NUBP1: variants seen among roughly 807,000 people sequenced by gnomAD.
NUBP1 encodes cytosolic Fe-S cluster assembly factor NUBP1.
NUBP1 carries 46 observed loss-of-function variants against 41.8 expected under a neutral mutation model. That is an observed-to-expected ratio of 1.10 (90% CI 0.87 to 1.41). The LOEUF is 1.41. Ranked by LOEUF, NUBP1 falls within the 40% of genes most tolerant of loss-of-function variation. The probability of loss-of-function intolerance (pLI) is 0.00; values close to 1 mark genes in which losing one functional copy is unlikely to be tolerated. For synonymous variants in NUBP1, 189 were observed against 154.6 expected, an observed-to-expected ratio of 1.22 and a Z score of -1.65; for missense variants, 494 against 414.0, an observed-to-expected ratio of 1.19 and a Z score of -1.68.
chr16:10,761,028 AGT>A, intron 7 of NUBP1: 1 of 221,894 alleles, frequency 4.5e-6, no homozygotes, highest in Non-Finnish European at 9.1e-6. Context: ...CAGTGGCAGC[AGT>A]GAGAGAGAGA....
Position 10,769,050 on chromosome 16 carries a change from T to TC in NUBP1, c.910dup (p.Gln304ProfsTer5). On this transcript the variant is annotated frameshift_variant, in exon 11 of 11. Transcript: ENST00000283027. LOFTEE classifies it low-confidence loss of function (END_TRUNC). ...TGCCTGTCGTCTTGTTTTCCAGGAA[T>TC]CCAAGAGTTTTGTAATCTCCATCAG... The TC allele has an allele frequency of 4.3e-6, 7 of 1,613,956 alleles. No individual in the cohort carries two copies. The highest frequency in any genetic ancestry group is 5.9e-6 in the Non-Finnish European group (7 of 1,179,896).
chr16:10,766,821 C>G lies in NUBP1; in HGVS notation c.821-1128C>G, dbSNP rs1446751000. On this transcript the variant is annotated intron_variant, in intron 9 of 10. Transcript: ENST00000283027. The surrounding 1 kb of genome is among the most constrained non-coding windows in gnomAD (Gnocchi z 4.8). ...CTACTTGAGGTACGCCCTATATAAA[C>G]GAAAAGGATGAAGTAAAGTTACAAA... 2.5e-6 allele frequency: 1 copy of G among 397,550 alleles called. No homozygotes were observed. Among genetic ancestry groups the G allele is most frequent in the African/African-American group, 2.1e-5 (1 of 48,602 alleles). 24.6% of individuals were successfully genotyped at this position (397,550 alleles called of 1,614,324 possible). A position where few individuals can be genotyped will look rare whatever the true frequency, so the allele number is the denominator to read the frequency against.
intron 9 of NUBP1, chr16:10,763,873 GA>G: frequency 6.0e-6 from 1 of 166,962 alleles, no homozygotes; most frequent in Non-Finnish European, 1.3e-5. Context: ...TCAGCCCCTG[GA>G]AGCATCTCAG....
chr16:10,750,683 C>G (rs967093047), intron 3 of NUBP1, among the ~76,000 whole-genome samples: 1 of 152,180 alleles, frequency 6.6e-6, no homozygotes, highest in African/African-American at 2.4e-5. Flanking sequence ...CCTTGATGAC[C>G]CCGGAGCAGT....
Position 10,756,768 on chromosome 16 carries a change from C to T in NUBP1, c.439C>T (p.Pro147Ser). The T allele has an allele frequency of 6.3e-7, 1 of 1,591,870 alleles. No individual in the cohort carries two copies. Reference sequence around the variant, plus strand: ...TGATGATGCTGTTATCTGGAGGGGACCCAAGAAAAACGGTTTGCCACTCTG... The same window carrying T: ...TGATGATGCTGTTATCTGGAGGGGATCCAAGAAAAACGGTTTGCCACTCTG... ...SPDDAVIWRG[P>S]KKNGMIKQFL... The change falls in exon 6 of 11, where the codon CCC (proline) becomes TCC (serine). Residue 147 changes from proline (P) to serine (S), a missense_variant. Coordinates refer to ENST00000283027, the MANE Select transcript of NUBP1 (RefSeq NM_002484.4).
At chr16:10,756,249 C>T (rs77138399) in intron 5 of NUBP1, among the ~76,000 whole-genome samples, 3 of 152,070 alleles carry the variant, frequency 2.0e-5, no homozygotes, top group African/African-American at 4.8e-5. Context: ...CATGGTGGCA[C>T]GCGCCTGTAA....
At position 10,767,195 on chromosome 16, in the gene NUBP1, C is replaced by T. The variant is rs1222570734; in HGVS notation, c.821-754C>T. The T allele has an allele frequency of 3.0e-5, 12 of 399,848 alleles. No homozygotes were observed. The South Asian group carries it at 1.0e-3, about 34-fold the overall frequency. The allele number at this position is 399,848 out of a possible 1,614,324, so 24.8% of individuals were successfully genotyped here. ...AGCAAGCTGATGGCAGGTCCACCCA[C>T]GACTGGGGGCTGGCAGGGCAGACTG... is the stretch of plus-strand genomic sequence containing the variant. On this transcript the variant is annotated intron_variant, in intron 9 of 10. Coordinates refer to ENST00000283027, the MANE Select transcript of NUBP1 (RefSeq NM_002484.4). This position sits in a 1 kb window ranked among gnomAD's most constrained non-coding sequence, Gnocchi z 4.6.
rs1899933312 is a variant in NUBP1 at position 10,744,008 on chromosome 16, C to G, written c.67C>G (p.Gln23Glu). 3 of 1,579,678 alleles carry G rather than the reference C, an allele frequency of 1.9e-6. No homozygotes were observed. The highest frequency in any genetic ancestry group is 2.6e-6 in the Non-Finnish European group (3 of 1,169,002). Residue 23 changes from glutamine to glutamate, a missense_variant, in exon 2 of 11, where the codon CAG becomes GAG. By Grantham distance (29) the Gln-to-Glu change is conservative. Transcript: ENST00000283027. ...SAQAGRGASC[Q>E]GCPNQRLCAS... ...CCAGGCGGGCAGAGGGGCTTCATGT[C>G]AGGGATGCCCCAACCAGCGGCTGTG...
At position 10,769,154 on chromosome 16, in the gene NUBP1, G is replaced by A. The variant is rs2031330666; in HGVS notation, c.*49G>A. 3.2e-6 allele frequency: 5 copies of A among 1,572,560 alleles called. No individual in the cohort carries two copies. The highest frequency in any genetic ancestry group is 4.4e-6 in the Non-Finnish European group (5 of 1,142,854). On this transcript the variant is annotated 3_prime_UTR_variant, in exon 11 of 11. Coordinates refer to ENST00000283027, the MANE Select transcript of NUBP1 (RefSeq NM_002484.4). ...GCAGTTACCGAGCGAGGCACTCACT[G>A]GGCAGCACATCCAGCCAGACCCGAC...
intron 5 of NUBP1, 51 bp from the exon 6 acceptor site, chr16:10,756,639 T>C: frequency 7.2e-7 from 1 of 1,379,592 alleles, no homozygotes; most frequent in Non-Finnish European, 9.7e-7. Context: ...AGGGCCTCAC[T>C]GTGTGGTTTT....
chr16:10,759,192 C>G lies in NUBP1; in HGVS notation c.606+1165C>G, dbSNP rs1055174037. 6.6e-6 allele frequency among the ~76,000 whole-genome samples: 1 copy of G among 152,238 alleles called. No individual in the cohort carries two copies. The highest frequency in any genetic ancestry group is 1.5e-5 in the Non-Finnish European group (1 of 68,050). Reference sequence around the variant, plus strand: ...ACCAGGGCAGTAAAAAGGCCTGGCTCTCCCTGGTGGCCCCTGTGGCTCCCT... The same window carrying G: ...ACCAGGGCAGTAAAAAGGCCTGGCTGTCCCTGGTGGCCCCTGTGGCTCCCT... On this transcript the variant is annotated intron_variant, in intron 7 of 10. Coordinates refer to ENST00000283027, the MANE Select transcript of NUBP1 (RefSeq NM_002484.4). The surrounding 1 kb of genome is among the most constrained non-coding windows in gnomAD (Gnocchi z 4.7).
chr16:10,766,125 C>T lies in NUBP1; in HGVS notation c.821-1824C>T, dbSNP rs2030841238. ...GCAAAGAGTTACAGATGCCAGCGCT[C>T]TGGTGCTATGGGTCCTGGTCCCGGT... On this transcript the variant is annotated intron_variant, in intron 9 of 10. Coordinates refer to ENST00000283027, the MANE Select transcript of NUBP1 (RefSeq NM_002484.4). The surrounding 1 kb of genome is among the most constrained non-coding windows in gnomAD (Gnocchi z 4.8). 6.6e-6 allele frequency: 1 copy of T among 152,474 alleles called. No individual in the cohort carries two copies. Among genetic ancestry groups the T allele is most frequent in the Admixed American group, 6.5e-5 (1 of 15,290 alleles). 9.4% of individuals were successfully genotyped at this position (152,474 alleles called of 1,614,324 possible). A position where few individuals can be genotyped will look rare whatever the true frequency, so the allele number is the denominator to read the frequency against.
chr16:10,751,448 C>A (rs1415925090), intron 3 of NUBP1, among the ~76,000 whole-genome samples: 1 of 152,134 alleles, frequency 6.6e-6, no homozygotes, highest in Non-Finnish European at 1.5e-5. Flanking sequence ...TGGCGTTTTC[C>A]CGTGCACAAG....
intron 9 of NUBP1, among the ~76,000 whole-genome samples, chr16:10,762,478 C>G (rs1035592500): frequency 6.6e-6 from 1 of 152,200 alleles, no homozygotes; most frequent in African/African-American, 2.4e-5. Context: ...GGCGCCCACT[C>G]GCCGCGGGGC....
intron 2 of NUBP1, among the ~76,000 whole-genome samples, chr16:10,745,660 T>C (rs577869179): frequency 7.8e-4 from 119 of 152,336 alleles, no homozygotes; most frequent in Non-Finnish European, 1.2e-3. Context: ...GGAAAAAGCA[T>C]GCAGGAAAAA....
rs1275270483 is a variant in NUBP1 at position 10,749,120 on chromosome 16, GACACATACACACACACAC to G, written c.258+1850_258+1867del. ...AAAAAAGGATATAGATAGATACACA[GACACATACACACACACAC>G]ACACACACACACACACACACACACA... On this transcript the variant is annotated intron_variant, in intron 3 of 10. Coordinates refer to ENST00000283027, the MANE Select transcript of NUBP1 (RefSeq NM_002484.4). The surrounding 1 kb of genome is among the most constrained non-coding windows in gnomAD (Gnocchi z 4.1). Among the ~76,000 whole-genome samples the G allele has an allele frequency of 8.8e-4, 81 of 92,376 alleles. 1 individual carries two copies. The highest frequency in any genetic ancestry group is 5.1e-3 in the Middle Eastern group (1 of 198). The allele number at this position is 92,376 out of a possible 152,430, so 60.6% of individuals were successfully genotyped here. A position where few individuals can be genotyped will look rare whatever the true frequency, so the allele number is the denominator to read the frequency against.
rs1480329848 is a variant in NUBP1, at chr16:10,756,674, C to G, written c.361-16C>G. 6.5e-7 allele frequency: 1 copy of G among 1,539,912 alleles called. No individual in the cohort carries two copies. On this transcript the variant is annotated splice_polypyrimidine_tract_variant and intron_variant, in intron 5 of 10. Transcript: ENST00000283027. ...TGAGTAAAGCGTGTCTTGCCCTCAC[C>G]CTGTTCCCTCTGCAGTACGTGGAAG...
Position 10,749,639 on chromosome 16 carries a change from A to C in NUBP1, c.258+2363A>C, listed in dbSNP as rs1238026541. Among the ~76,000 whole-genome samples the C allele has an allele frequency of 6.6e-6, 1 of 152,232 alleles. No homozygotes were observed. The highest frequency in any genetic ancestry group is 1.9e-4 in the East Asian group (1 of 5,204). ...AGTGTCAACACATGGAAAATGCTGAATATGTCTTGATTAAAGTCAAGCAGC... is the reference window on the plus strand; with the variant it reads ...AGTGTCAACACATGGAAAATGCTGACTATGTCTTGATTAAAGTCAAGCAGC... On this transcript the variant is annotated intron_variant, in intron 3 of 10. Coordinates refer to ENST00000283027, the MANE Select transcript of NUBP1 (RefSeq NM_002484.4). This position sits in a 1 kb window ranked among gnomAD's most constrained non-coding sequence, Gnocchi z 4.1.
intron 9 of NUBP1, among the ~76,000 whole-genome samples, chr16:10,764,520 T>C (rs1184396233): frequency 1.3e-5 from 2 of 151,008 alleles, no homozygotes; most frequent in African/African-American, 4.9e-5. Flanking sequence ...TATTTGTCTA[T>C]TGGAGCATCT....
Sources: gnomAD v4.1 joint callset for allele counts (sites outside exome capture counted in the v4.1 genomes callset) on GRCh38, gnomAD v4.1.1 for gene constraint, Gnocchi (gnomAD v3.1) non-coding constraint, MANE v1.5 for transcripts, NCBI Gene and HGNC (gene_info 2026-07-23, HGNC 2026-07-21) for gene names.